Variants in VEPH1 observed in about 807,000 individuals in gnomAD.
VEPH1 encodes the protein ventricular zone-expressed PH domain-containing protein homolog 1.
In VEPH1, 80 loss-of-function variants were observed where a neutral mutation model predicts 85.2. The ratio of observed to expected loss-of-function variants is 0.94; its 90% CI spans 0.78 to 1.13. VEPH1 has a LOEUF of 1.13. Among genes scored for constraint, VEPH1 ranks in the 50% most tolerant of loss-of-function variants. The probability of loss-of-function intolerance (pLI) is 0.00; values close to 1 mark genes in which losing one functional copy is unlikely to be tolerated. For synonymous variants in VEPH1, 297 were observed against 348.0 expected (o/e 0.85, Z 1.63); for missense variants, 955 against 980.5 (o/e 0.97, Z 0.35).
At chr3:157,488,503 CTTTCTTTTTTTT>C (rs1401273242) in intron 2 of VEPH1, among the ~76,000 whole-genome samples, 2 of 134,208 alleles carry the variant, frequency 1.5e-5, no homozygotes, top group Admixed American at 1.5e-4. Flanking sequence ...TTCTTTCTTT[CTTTCTTTTTTTT>C]TTTTTTTACT....
Position 157,447,160 on chromosome 3 carries a change from T to C in VEPH1, c.529+13021A>G, listed in dbSNP as rs150731139. 3.2e-3 allele frequency among the ~76,000 whole-genome samples: 494 copies of C among 152,298 alleles called. 2 individuals carry two copies. Among genetic ancestry groups the C allele is most frequent in the African/African-American group, 0.011 (473 of 41,566 alleles). On this transcript the variant is annotated intron_variant, in intron 4 of 13. Coordinates refer to ENST00000362010, the MANE Select transcript of VEPH1 (RefSeq NM_001167912.2). ...AGGATTCTTTTCCATTGTGGGTAAG[T>C]CATTTTCAGAGTTCAGCACACAAAT...
At chr3:157,371,844 G>C (rs1032175056) in intron 7 of VEPH1, among the ~76,000 whole-genome samples, 2 of 152,188 alleles carry the variant, frequency 1.3e-5, no homozygotes, top group African/African-American at 4.8e-5. Context: ...GGCAGATACT[G>C]GTTCAGATGG....
At chr3:157,459,854 G>A (rs954178926) in intron 4 of VEPH1, 77 of 1,536,792 alleles carry the variant, frequency 5.0e-5, no homozygotes, top group Admixed American at 5.9e-5. Context: ...GTTCCACTCA[G>A]TACACAGAGA....
At chr3:157,503,554 T>C (rs1740273185), upstream of VEPH1, 1 of 152,242 alleles carries the variant, frequency 6.6e-6, no homozygotes, top group Non-Finnish European at 1.5e-5. Flanking sequence ...AAGCTTCACT[T>C]ATTTCTACAC....
At chr3:157,484,666 A>G (rs570254227) in intron 2 of VEPH1, among the ~76,000 whole-genome samples, 40 of 152,326 alleles carry the variant, frequency 2.6e-4, no homozygotes, top group Non-Finnish European at 5.3e-4. Context: ...GGTTAATAAC[A>G]TGTAAGATGG....
At chr3:157,297,836 G>A (rs1318599527) in intron 11 of VEPH1, among the ~76,000 whole-genome samples, 4 of 152,158 alleles carry the variant, frequency 2.6e-5, no homozygotes, top group African/African-American at 7.2e-5. Flanking sequence ...CAGAAAAAAG[G>A]GACATTAGTG....
intron 4 of VEPH1, chr3:157,443,553 A>T (rs1231515151): frequency 2.0e-5 from 3 of 152,702 alleles, no homozygotes; most frequent in Admixed American, 2.0e-4. Flanking sequence ...CTATTTTTGT[A>T]AAGCTCTACT....
intron 4 of VEPH1, among the ~76,000 whole-genome samples, chr3:157,451,545 G>A (rs918688662): frequency 6.6e-6 from 1 of 152,120 alleles, no homozygotes; most frequent in Non-Finnish European, 1.5e-5. Flanking sequence ...TAGAACTATT[G>A]AAATATTTGC....
intron 2 of VEPH1, among the ~76,000 whole-genome samples, chr3:157,477,617 T>C (rs1208256345): frequency 1.3e-5 from 2 of 152,088 alleles, no homozygotes; most frequent in Admixed American, 6.6e-5. Flanking sequence ...TTAATGCCCA[T>C]GAGAGCATTC....
chr3:157,265,892 T>C (rs971689246), intron 12 of VEPH1, among the ~76,000 whole-genome samples: 1 of 151,888 alleles, frequency 6.6e-6, no homozygotes, highest in Admixed American at 6.6e-5. Flanking sequence ...TCAAAAGAAA[T>C]TGGTTCACAC....
chr3:157,302,450 T>C (rs1718911426), intron 11 of VEPH1, among the ~76,000 whole-genome samples: 1 of 152,132 alleles, frequency 6.6e-6, no homozygotes, highest in African/African-American at 2.4e-5. Flanking sequence ...TATTAAGTCT[T>C]GGGGATGGAG....
intron 4 of VEPH1, chr3:157,442,987 G>A (rs373942546): frequency 1.3e-5 from 20 of 1,580,960 alleles, no homozygotes; most frequent in Admixed American, 1.9e-5. Context: ...TAAATGTTGT[G>A]AAACTCCACT....
At chr3:157,307,946 A>G (rs188527522) in intron 11 of VEPH1, among the ~76,000 whole-genome samples, 3 of 151,620 alleles carry the variant, frequency 2.0e-5, no homozygotes, top group Admixed American at 1.3e-4. Flanking sequence ...TAGGTCCTTT[A>G]TAGTCTTTAC....
intron 7 of VEPH1, among the ~76,000 whole-genome samples, chr3:157,377,577 T>C (rs1728266235): frequency 6.6e-6 from 1 of 152,082 alleles, no homozygotes; most frequent in Non-Finnish European, 1.5e-5. Context: ...AATTGAATCA[T>C]AGGGGCAGTT....
intron 11 of VEPH1, among the ~76,000 whole-genome samples, chr3:157,288,098 C>T (rs1383479236): frequency 1.3e-5 from 2 of 152,132 alleles, no homozygotes; most frequent in Non-Finnish European, 2.9e-5. Flanking sequence ...CTCTACTGTC[C>T]TCCTGAGGCT....
intron 11 of VEPH1, 67 bp from the exon 12 acceptor site, chr3:157,286,741 G>A (rs779043473): frequency 7.9e-7 from 1 of 1,257,952 alleles, no homozygotes; most frequent in South Asian, 1.2e-5. Context: ...TTCTGAGACT[G>A]GGAGAAGGGG....
chr3:157,291,288 T>C (rs770170196), intron 11 of VEPH1, among the ~76,000 whole-genome samples: 2 of 152,232 alleles, frequency 1.3e-5, no homozygotes, highest in African/African-American at 4.8e-5. Flanking sequence ...TCTAATGATA[T>C]GGAGTACAAG....
At chr3:157,481,465 CAAAAA>C (rs1553796737) in intron 2 of VEPH1, among the ~76,000 whole-genome samples, 18 of 63,326 alleles carry the variant, frequency 2.8e-4, no homozygotes, top group South Asian at 2.4e-3. Flanking sequence ...CACACACACA[CAAAAA>C]AAAAAAAAAA....
At chr3:157,440,442 G>T (rs771883460) in intron 4 of VEPH1, among the ~76,000 whole-genome samples, 4 of 152,006 alleles carry the variant, frequency 2.6e-5, no homozygotes, top group Non-Finnish European at 4.4e-5. Context: ...TGGATGTTTG[G>T]TTTCTGCAAG....
Sources: gnomAD v4.1 joint callset for allele counts (sites outside exome capture counted in the v4.1 genomes callset) on GRCh38, gnomAD v4.1.1 for gene constraint, MANE v1.5 for transcripts, NCBI Gene and HGNC (gene_info 2026-07-23, HGNC 2026-07-21) for gene names.